COL26A1: variants seen among roughly 807,000 people sequenced by gnomAD.
COL26A1 encodes collagen type XXVI alpha 1 chain, also known as collagen alpha-1(XXVI) chain.
A neutral mutation model predicts 59.3 loss-of-function variants in COL26A1; 41 were observed. That is an observed-to-expected ratio of 0.69 (90% CI 0.54 to 0.90). The LOEUF is 0.90. Among genes scored for constraint, COL26A1 ranks in the 40% least tolerant of loss-of-function variants. The probability of loss-of-function intolerance (pLI) is 0.00; values close to 1 mark genes in which losing one functional copy is unlikely to be tolerated. For missense variants in COL26A1, 612 were observed against 602.3 expected, an observed-to-expected ratio of 1.02 and a Z score of -0.17; for synonymous variants, 266 against 256.0, an observed-to-expected ratio of 1.04 and a Z score of -0.37.
intron 5 of COL26A1, among the ~76,000 whole-genome samples, chr7:101,541,310 C>T (rs1002354036): frequency 2.0e-5 from 3 of 152,098 alleles, no homozygotes; most frequent in African/African-American, 7.2e-5. Context: ...CATCTGCCCC[C>T]CTGCCTTCCT....
intron 3 of COL26A1, among the ~76,000 whole-genome samples, chr7:101,450,432 C>T (rs953593955): frequency 6.6e-6 from 1 of 152,116 alleles, no homozygotes; most frequent in Non-Finnish European, 1.5e-5. Flanking sequence ...ATGTCCTCAT[C>T]AACGACATTG....
chr7:101,452,694 A>G (rs1182889645), intron 3 of COL26A1, among the ~76,000 whole-genome samples: 2 of 151,936 alleles, frequency 1.3e-5, no homozygotes, highest in African/African-American at 4.8e-5. Context: ...TAGGAATATA[A>G]TGGTAAGTAT....
chr7:101,423,096 C>A (rs1792562753), intron 2 of COL26A1, among the ~76,000 whole-genome samples: 2 of 152,040 alleles, frequency 1.3e-5, no homozygotes, highest in African/African-American at 4.8e-5. Flanking sequence ...GAAACCCTGT[C>A]TCCACTAAAA....
At chr7:101,471,390 A>G (rs1289438743) in intron 3 of COL26A1, among the ~76,000 whole-genome samples, 3 of 152,170 alleles carry the variant, frequency 2.0e-5, no homozygotes, top group African/African-American at 4.8e-5. Context: ...GATCTTACAC[A>G]GGAAAGAATT....
chr7:101,488,021 C>G (rs1316814547), intron 3 of COL26A1, among the ~76,000 whole-genome samples: 1 of 151,882 alleles, frequency 6.6e-6, no homozygotes, highest in Non-Finnish European at 1.5e-5. Flanking sequence ...GCCTATAATC[C>G]CAGGACTTTG....
chr7:101,416,846 C>T (rs937412532), intron 1 of COL26A1, among the ~76,000 whole-genome samples: 1 of 143,152 alleles, frequency 7.0e-6, no homozygotes, highest in Admixed American at 7.1e-5. Flanking sequence ...CTCCAGCGAT[C>T]CTCCTGCCTC....
At chr7:101,446,647 G>C (rs1793201683) in intron 2 of COL26A1, among the ~76,000 whole-genome samples, 1 of 152,134 alleles carries the variant, frequency 6.6e-6, no homozygotes, top group African/African-American at 2.4e-5. Flanking sequence ...AGGAGTTCGA[G>C]AGCAGCCTCA....
At chr7:101,523,155 C>T (rs531978991) in intron 3 of COL26A1, among the ~76,000 whole-genome samples, 168 of 152,092 alleles carry the variant, frequency 1.1e-3, no homozygotes, top group African/African-American at 1.9e-3. Context: ...CCACAACCTC[C>T]GCCTCCCGGG....
In COL26A1 at chr7:101,422,986, C is replaced by T. The variant is rs577125864; in HGVS notation, c.281+2887C>T. 6.6e-5 allele frequency among the ~76,000 whole-genome samples: 10 copies of T among 152,224 alleles called. No homozygotes were observed. The South Asian group carries it at 1.2e-3, about 19-fold the overall frequency. On this transcript the variant is annotated intron_variant, in intron 2 of 12. Transcript: ENST00000313669. ...CACTATCAAAACACAATAACGCAGC[C>T]GGGCACGGTGGCTCACGCCTGCAAT... is the stretch of plus-strand genomic sequence containing the variant.
intron 1 of COL26A1, among the ~76,000 whole-genome samples, chr7:101,397,889 T>C (rs1475681377): frequency 6.6e-6 from 1 of 152,178 alleles, no homozygotes; most frequent in East Asian, 1.9e-4. Flanking sequence ...CTTATGTGTA[T>C]GCTCATGTAA....
At chr7:101,427,468 C>A (rs1792675804) in intron 2 of COL26A1, among the ~76,000 whole-genome samples, 1 of 151,962 alleles carries the variant, frequency 6.6e-6, no homozygotes, top group African/African-American at 2.4e-5. Context: ...TCGAGACCAG[C>A]CTGGCCAATG....
intron 3 of COL26A1, among the ~76,000 whole-genome samples, chr7:101,500,242 AG>A (rs200224959): frequency 0.017 from 2,520 of 152,074 alleles, 37 homozygotes; most frequent in Middle Eastern, 0.041. Context: ...GATTGCCGGG[AG>A]GGGGGGCAAG....
rs532738563 is a variant in COL26A1, at chr7:101,435,593, G to T, written c.282-12091G>T. Among the ~76,000 whole-genome samples the T allele has an allele frequency of 2.6e-5, 4 of 152,144 alleles. No homozygotes were observed. The South Asian group carries it at 6.2e-4, about 24-fold the overall frequency. On this transcript the variant is annotated intron_variant, in intron 2 of 12. Coordinates refer to ENST00000313669, the MANE Select transcript of COL26A1 (RefSeq NM_001278563.3). ...GGGCTCTGTTCATTGCAGTGGGGAC[G>T]TTGGGCGTCACGGACATTGGGTGTC...
chr7:101,493,083 A>G (rs1423016162), intron 3 of COL26A1, among the ~76,000 whole-genome samples: 1 of 152,174 alleles, frequency 6.6e-6, no homozygotes, highest in Non-Finnish European at 1.5e-5. Flanking sequence ...TTCACAGAGG[A>G]GAATAAGAAT....
chr7:101,488,196 G>T (rs567910269), intron 3 of COL26A1, among the ~76,000 whole-genome samples: 3 of 150,420 alleles, frequency 2.0e-5, no homozygotes, highest in Non-Finnish European at 3.0e-5. Context: ...CACAAGAATC[G>T]CTTGAACCCT....
intron 2 of COL26A1, among the ~76,000 whole-genome samples, chr7:101,429,429 AT>A (rs139758467): frequency 1.3e-5 from 2 of 149,596 alleles, no homozygotes; most frequent in Non-Finnish European, 3.0e-5. Flanking sequence ...TCATTTGGAC[AT>A]TTTTTTTTCT....
At chr7:101,492,671 C>T (rs1035435770) in intron 3 of COL26A1, among the ~76,000 whole-genome samples, 10 of 149,794 alleles carry the variant, frequency 6.7e-5, no homozygotes, top group South Asian at 6.3e-4. Context: ...CACTCCAGCC[C>T]GGGCAACAGA....
At chr7:101,394,463 A>G (rs777657273) in intron 1 of COL26A1, among the ~76,000 whole-genome samples, 13 of 152,026 alleles carry the variant, frequency 8.6e-5, no homozygotes, top group Admixed American at 5.3e-4. Flanking sequence ...CTAAAGTGCA[A>G]TGGTACAATA....
intron 3 of COL26A1, among the ~76,000 whole-genome samples, chr7:101,483,353 G>A (rs913340745): frequency 3.3e-5 from 5 of 149,730 alleles, no homozygotes; most frequent in Admixed American, 6.7e-5. Context: ...ACATGCCACC[G>A]TACTCGGCTA....
Sources: allele counts gnomAD v4.1 joint callset (sites outside exome capture counted in the v4.1 genomes callset), GRCh38; gene constraint gnomAD v4.1.1; transcripts MANE v1.5; gene names NCBI Gene and HGNC (gene_info 2026-07-23, HGNC 2026-07-21).